Variants in PDE4B observed in about 807,000 individuals in gnomAD.
PDE4B encodes phosphodiesterase 4B.
A neutral mutation model predicts 82.2 loss-of-function variants in PDE4B; 20 were observed. The observed-to-expected ratio is 0.24, with a 90% CI of 0.17 to 0.35. PDE4B has a LOEUF of 0.35. Among genes scored for constraint, PDE4B ranks in the 10% least tolerant of loss-of-function variants. The pLI is 1.00. For synonymous variants in PDE4B, 320 were observed against 318.9 expected (o/e 1.00, Z -0.04); for missense variants, 655 against 907.2 (o/e 0.72, Z 3.57).
intron 3 of PDE4B, among the ~76,000 whole-genome samples, chr1:66,218,396 A>G (rs1249865851): frequency 6.6e-6 from 1 of 152,134 alleles, no homozygotes; most frequent in Non-Finnish European, 1.5e-5. Context: ...AAGTTACACA[A>G]TCTCTTTCTA....
intron 3 of PDE4B, among the ~76,000 whole-genome samples, chr1:66,241,134 G>A (rs969569712): frequency 3.9e-5 from 6 of 152,246 alleles, no homozygotes; most frequent in African/African-American, 1.4e-4. Flanking sequence ...TTCCTAGTCT[G>A]TGGAAGGGAA....
intron 1 of PDE4B, among the ~76,000 whole-genome samples, chr1:65,892,838 A>G (rs1286198309): frequency 6.6e-6 from 1 of 152,066 alleles, no homozygotes; most frequent in Non-Finnish European, 1.5e-5. Context: ...TTCTACAGAG[A>G]TAAATTCCAT....
chr1:65,905,595 A>G (rs1300703252), intron 1 of PDE4B, among the ~76,000 whole-genome samples: 2 of 152,190 alleles, frequency 1.3e-5, no homozygotes, highest in Admixed American at 6.6e-5. Context: ...GGGGATTAAT[A>G]TAAGGAATTT....
At chr1:66,255,453 T>C (rs1654140574) in intron 4 of PDE4B, among the ~76,000 whole-genome samples, 1 of 152,214 alleles carries the variant, frequency 6.6e-6, no homozygotes, top group African/African-American at 2.4e-5. Flanking sequence ...GTCCATAATA[T>C]GAGCGTGGGA....
At chr1:66,015,302 C>A (rs1652707552) in intron 3 of PDE4B, among the ~76,000 whole-genome samples, 1 of 152,108 alleles carries the variant, frequency 6.6e-6, no homozygotes, top group East Asian at 1.9e-4. Flanking sequence ...AGCTGCTCCT[C>A]CTACTTCTGA....
chr1:66,331,807 C>G (rs1660132370), intron 7 of PDE4B: 1 of 985,266 alleles, frequency 1.0e-6, no homozygotes. Context: ...ACGTAAAACT[C>G]CAGACAGCTT....
At chr1:66,275,424 C>T (rs1348773637) in intron 7 of PDE4B, among the ~76,000 whole-genome samples, 1 of 152,092 alleles carries the variant, frequency 6.6e-6, no homozygotes, top group Non-Finnish European at 1.5e-5. Flanking sequence ...AGAGGATTGG[C>T]CCTTTTGGGA....
At chr1:65,867,946 A>C (rs1646530405) in intron 1 of PDE4B, among the ~76,000 whole-genome samples, 1 of 152,204 alleles carries the variant, frequency 6.6e-6, no homozygotes, top group Non-Finnish European at 1.5e-5. Context: ...TCACTAGTGC[A>C]CTCGAGAGTC....
intron 3 of PDE4B, among the ~76,000 whole-genome samples, chr1:66,132,127 T>C (rs1645962913): frequency 2.0e-5 from 3 of 152,190 alleles, no homozygotes. Context: ...TTTAGTGTGT[T>C]CTGAACAATA....
chr1:66,311,062 C>A (rs1463095991), intron 7 of PDE4B, among the ~76,000 whole-genome samples: 1 of 152,034 alleles, frequency 6.6e-6, no homozygotes, highest in Non-Finnish European at 1.5e-5. Context: ...GGATCTTGAA[C>A]GGTGTTGTCT....
At chr1:66,025,822 C>A (rs1653403627) in intron 3 of PDE4B, among the ~76,000 whole-genome samples, 2 of 152,164 alleles carry the variant, frequency 1.3e-5, no homozygotes, top group Admixed American at 1.3e-4. Flanking sequence ...AAATTTAGGA[C>A]TGCTAACAAC....
chr1:65,861,456 T>C (rs1439714871), intron 1 of PDE4B, among the ~76,000 whole-genome samples: 1 of 152,182 alleles, frequency 6.6e-6, no homozygotes, highest in Non-Finnish European at 1.5e-5. Context: ...TGTAGCCTTG[T>C]AGTTAGTTTG....
intron 9 of PDE4B, chr1:66,360,449 A>G (rs1246477522): frequency 1.3e-5 from 2 of 152,160 alleles, no homozygotes; most frequent in Non-Finnish European, 2.9e-5. Flanking sequence ...GTCAAAACAA[A>G]TCGTCTAGAT....
chr1:65,801,401 A>T (rs1254220648), intron 1 of PDE4B, among the ~76,000 whole-genome samples: 2 of 152,236 alleles, frequency 1.3e-5, no homozygotes, highest in African/African-American at 2.4e-5. Flanking sequence ...TGAATACATG[A>T]AGTAATTTTT....
At chr1:66,055,828 C>T (rs192775835) in intron 3 of PDE4B, among the ~76,000 whole-genome samples, 1 of 152,098 alleles carries the variant, frequency 6.6e-6, no homozygotes, top group Admixed American at 6.5e-5. Context: ...TTCATTTAAG[C>T]ATGTTGATAT....
At chr1:65,979,186 T>C (rs1650561632) in intron 3 of PDE4B, among the ~76,000 whole-genome samples, 1 of 152,166 alleles carries the variant, frequency 6.6e-6, no homozygotes, top group Admixed American at 6.5e-5. Flanking sequence ...TTCTAAGGGA[T>C]ATATAATGTC....
chr1:66,338,911 T>C (rs1010830026), intron 8 of PDE4B, among the ~76,000 whole-genome samples: 74 of 148,004 alleles, frequency 5.0e-4, no homozygotes, highest in Admixed American at 1.2e-3. Flanking sequence ...CCCAGCTACT[T>C]GGGAGGCTGA....
At chr1:66,062,611 A>C (rs1398678669) in intron 3 of PDE4B, among the ~76,000 whole-genome samples, 3 of 152,094 alleles carry the variant, frequency 2.0e-5, no homozygotes, top group Admixed American at 6.6e-5. Flanking sequence ...GCTATGAAAT[A>C]AAGTGTAAAG....
chr1:65,831,683 T>C (rs1646083436), intron 1 of PDE4B, among the ~76,000 whole-genome samples: 1 of 64,662 alleles, frequency 1.5e-5, no homozygotes, highest in African/African-American at 4.5e-5. Context: ...AAGCCAGCAT[T>C]TTATGAAGCC....
Sources: allele counts gnomAD v4.1 joint callset (sites outside exome capture counted in the v4.1 genomes callset), GRCh38; gene constraint gnomAD v4.1.1; transcripts MANE v1.5; gene names NCBI Gene and HGNC (gene_info 2026-07-23, HGNC 2026-07-21).